Variants in TRAPPC10 observed in about 807,000 individuals in gnomAD.
The protein encoded by TRAPPC10 is TRAPP 130 kDa subunit.
In TRAPPC10, 23 loss-of-function variants were observed where a neutral mutation model predicts 125.5. That is an observed-to-expected ratio of 0.18 (90% CI 0.13 to 0.26). TRAPPC10 has a LOEUF of 0.26. Among genes scored for constraint, TRAPPC10 ranks in the 10% least tolerant of loss-of-function variants. The pLI is 1.00. For missense variants in TRAPPC10, 1,123 were observed against 1,308.4 expected (o/e 0.86, Z 2.19); for synonymous variants, 509 against 518.0 (o/e 0.98, Z 0.24).
At chr21:44,040,436 G>A (rs2034330090) in intron 3 of TRAPPC10, among the ~76,000 whole-genome samples, 1 of 151,604 alleles carries the variant, frequency 6.6e-6, no homozygotes, top group African/African-American at 2.4e-5. Flanking sequence ...TCAACCTCCC[G>A]GGCTCAAGTG....
In TRAPPC10 at chr21:44,087,589, G is replaced by A. The variant is rs1446144321; in HGVS notation, c.2540-110G>A. On this transcript the variant is annotated intron_variant, in intron 16 of 22. Coordinates refer to ENST00000291574, the MANE Select transcript of TRAPPC10 (RefSeq NM_003274.5). This position sits in a 1 kb window ranked among gnomAD's most constrained non-coding sequence, Gnocchi z 4.6. Reference sequence around the variant, plus strand: ...GGGTTTGCCTGCCAGGTGCGCAGGAGCGGGAGAGGTTGAGCAGTGGCCTCA... The same window carrying A: ...GGGTTTGCCTGCCAGGTGCGCAGGAACGGGAGAGGTTGAGCAGTGGCCTCA... The A allele has an allele frequency of 1.1e-5, 10 of 943,638 alleles. No homozygotes were observed. Among genetic ancestry groups the A allele is most frequent in the Admixed American group, 6.0e-5 (3 of 50,070 alleles). The allele number at this position is 943,638 out of a possible 1,614,324, so 58.5% of individuals were successfully genotyped here.
rs148008008 is a variant in TRAPPC10, at chr21:44,036,144, T to C, written c.150-1648T>C. ...AGGGAGTTGGGATACTGCAGGAGCC[T>C]AGTGAATGTCAAGCAGAATGAAGAA... On this transcript the variant is annotated intron_variant, in intron 2 of 22. Coordinates refer to ENST00000291574, the MANE Select transcript of TRAPPC10 (RefSeq NM_003274.5). 9.2e-5 allele frequency among the ~76,000 whole-genome samples: 14 copies of C among 152,224 alleles called. No individual in the cohort carries two copies. In the East Asian group the frequency reaches 2.7e-3, roughly 29 times the overall value.
chr21:44,084,247 C>T lies in TRAPPC10; in HGVS notation c.2364C>T (p.His788=), dbSNP rs1280007471. The stretch of plus-strand genomic sequence containing the variant: ...TGTACTCACAGGAGCCCCAGCTGCA[C>T]GTGGAGCCGCTGGCTGGTGAGTGGG... ...YDVYSQEPQL[H]VEPLADSLLA... Residue 788 remains histidine (H), a synonymous_variant, in exon 15 of 23, where the codon CAC becomes CAT. Transcript: ENST00000291574. The T allele has an allele frequency of 5.0e-6, 8 of 1,613,552 alleles. No individual in the cohort carries two copies. The highest frequency in any genetic ancestry group is 1.6e-4 in the Middle Eastern group (1 of 6,084).
At chr21:44,020,147 G>C (rs1223555055) in intron 1 of TRAPPC10, among the ~76,000 whole-genome samples, 2 of 148,380 alleles carry the variant, frequency 1.3e-5, no homozygotes, top group African/African-American at 5.0e-5. Context: ...TTGAGACAGA[G>C]TCTCGCTCTA....
At chr21:44,022,153 A>T (rs896220469) in intron 1 of TRAPPC10, among the ~76,000 whole-genome samples, 5 of 150,560 alleles carry the variant, frequency 3.3e-5, no homozygotes, top group Non-Finnish European at 7.4e-5. Flanking sequence ...TTGTTGCCCA[A>T]GCTGGAGTGC....
chr21:44,086,984 C>T, intron 16 of TRAPPC10, 24 bp downstream of exon 16: 1 of 1,612,146 alleles, frequency 6.2e-7, no homozygotes, highest in South Asian at 1.1e-5. Context: ...CACCCAGGCC[C>T]AAGGAGGATG....
chr21:44,028,252 G>A (rs1244118227), intron 1 of TRAPPC10, among the ~76,000 whole-genome samples: 1 of 152,218 alleles, frequency 6.6e-6, no homozygotes, highest in East Asian at 1.9e-4. Flanking sequence ...AAATCCAATT[G>A]CAACTGCATA....
intron 1 of TRAPPC10, among the ~76,000 whole-genome samples, chr21:44,015,500 C>T (rs1020788598): frequency 7.2e-5 from 11 of 152,224 alleles, no homozygotes; most frequent in African/African-American, 2.6e-4. Flanking sequence ...CGACTGCAGC[C>T]TTGCTGGGCT....
In TRAPPC10 at chr21:44,017,374, T is replaced by C. The variant is rs899640054; in HGVS notation, c.67+4814T>C. Among the ~76,000 whole-genome samples, 3 of 152,018 alleles carry C rather than the reference T, an allele frequency of 2.0e-5. No individual in the cohort carries two copies. The South Asian group carries it at 6.2e-4, about 32-fold the overall frequency. On this transcript the variant is annotated intron_variant, in intron 1 of 22. Coordinates refer to ENST00000291574, the MANE Select transcript of TRAPPC10 (RefSeq NM_003274.5). ...ACCAACCCCATCGGGTTGAGAAGGG[T>C]GTGTAAAGCACTCAGGAGAGTGTCA... is the stretch of plus-strand genomic sequence containing the variant.
At chr21:44,068,421 T>C (rs2036610503) in intron 7 of TRAPPC10, among the ~76,000 whole-genome samples, 1 of 152,026 alleles carries the variant, frequency 6.6e-6, no homozygotes, top group Admixed American at 6.6e-5. Flanking sequence ...TGAAGGGAAA[T>C]TCTGAAGTTC....
At chr21:44,094,600 A>G (rs1383677391) in intron 20 of TRAPPC10, among the ~76,000 whole-genome samples, 1 of 152,228 alleles carries the variant, frequency 6.6e-6, no homozygotes, top group Non-Finnish European at 1.5e-5. Context: ...TCTAAGGCAT[A>G]TCTCTAGTTT....
At chr21:44,069,390 A>G (rs1399542031) in intron 7 of TRAPPC10, among the ~76,000 whole-genome samples, 1 of 152,226 alleles carries the variant, frequency 6.6e-6, no homozygotes, top group Non-Finnish European at 1.5e-5. Context: ...AATGGCCGAT[A>G]AACATGAAAA....
At chr21:44,025,936 G>A (rs1324395219) in intron 1 of TRAPPC10, among the ~76,000 whole-genome samples, 1 of 151,406 alleles carries the variant, frequency 6.6e-6, no homozygotes. Context: ...GGCTGAATGG[G>A]TATAACGTTA....
chr21:44,074,097 A>G (rs1268415977), intron 7 of TRAPPC10, among the ~76,000 whole-genome samples: 1 of 152,222 alleles, frequency 6.6e-6, no homozygotes, highest in Non-Finnish European at 1.5e-5. Flanking sequence ...ACCTGATAAC[A>G]CATTTGAATA....
chr21:44,037,734 C>G, intron 2 of TRAPPC10, 58 bp from the exon 3 acceptor site: 1 of 1,568,292 alleles, frequency 6.4e-7, no homozygotes, highest in East Asian at 2.2e-5. Flanking sequence ...TCTATTTCCC[C>G]TCTTCTGATG....
At chr21:44,061,426 G>A (rs1427105394) in intron 6 of TRAPPC10, among the ~76,000 whole-genome samples, 3 of 148,766 alleles carry the variant, frequency 2.0e-5, no homozygotes, top group Non-Finnish European at 3.0e-5. Flanking sequence ...GAGCCACTGC[G>A]CCTGGCCAAT....
At chr21:44,054,980 A>G (rs556822368) in intron 4 of TRAPPC10, among the ~76,000 whole-genome samples, 49 of 152,314 alleles carry the variant, frequency 3.2e-4, no homozygotes, top group Middle Eastern at 3.4e-3. Flanking sequence ...AAGCAGAGGA[A>G]GTAAAGTGAG....
At position 44,012,533 on chromosome 21, in the gene TRAPPC10, A is replaced by C. The variant is rs767690164; in HGVS notation, c.40A>C (p.Thr14Pro). ...GGAGCCGCTGCCGCCGGTGATCTAC[A>C]CCATGGAGAACAAGCCCATCGTCAC... ...SEEPLPPVIY[T>P]MENKPIVTCA... Residue 14 changes from threonine (T) to proline (P), a missense_variant, in exon 1 of 23, where the codon ACC becomes CCC. By Grantham distance (38) the Thr-to-Pro change is conservative (BLOSUM62 -1). Transcript: ENST00000291574. 6.5e-7 allele frequency: 1 copy of C among 1,535,156 alleles called. No homozygotes were observed. The highest frequency in any genetic ancestry group is 1.2e-5 in the South Asian group (1 of 83,228).
Position 44,080,093 on chromosome 21 carries a change from A to G in TRAPPC10, c.1689A>G (p.Ile563Met). 1 of 1,614,200 alleles carries G rather than the reference A, an allele frequency of 6.2e-7. No individual in the cohort carries two copies. The highest frequency in any genetic ancestry group is 1.1e-5 in the South Asian group (1 of 91,082). ...EEERKHFCQE[I>M]LDFASQPSDS... ...AGCGCAAGCACTTCTGCCAGGAGAT[A>G]CTTGACTTTGCCAGCCAGCCGTCAG... Residue 563 changes from isoleucine to methionine, a missense_variant, in exon 13 of 23, where the codon ATA becomes ATG. By Grantham distance (10) the Ile-to-Met change is conservative (BLOSUM62 1). This residue lies in a region of TRAPPC10 where 840 missense variants were observed against 902.0 expected (regional missense o/e 0.93). Transcript: ENST00000291574.
Sources: allele counts gnomAD v4.1 joint callset (sites outside exome capture counted in the v4.1 genomes callset), GRCh38; gene constraint gnomAD v4.1.1; regional missense constraint gnomAD v4.1.1; non-coding constraint Gnocchi (gnomAD v3.1); transcripts MANE v1.5; gene names NCBI Gene and HGNC (gene_info 2026-07-23, HGNC 2026-07-21).